The following CHSY3 variants were observed in gnomAD, a reference collection of about 807,000 sequenced individuals.
CHSY3 encodes the protein chondroitin sulfate synthase 3.
A neutral mutation model predicts 67.2 loss-of-function variants in CHSY3; 35 were observed. That is an observed-to-expected ratio of 0.52 (90% confidence interval 0.40 to 0.69). CHSY3 has a LOEUF of 0.69. Ranked by LOEUF, CHSY3 falls within the 30% of genes least tolerant of loss-of-function variation. The pLI is 0.00. For missense variants in CHSY3, 1,069 were observed against 1,138.5 expected (o/e 0.94, Z 0.88); for synonymous variants, 474 against 434.7 (o/e 1.09, Z -1.12).
At chr5:130,037,844 C>G (rs1305338216) in intron 2 of CHSY3, among the ~76,000 whole-genome samples, 1 of 152,024 alleles carries the variant, frequency 6.6e-6, no homozygotes, top group Non-Finnish European at 1.5e-5. Context: ...TAAAAGCAGC[C>G]ATTTGATCAC....
chr5:130,005,912 A>G (rs1188578750), intron 2 of CHSY3, among the ~76,000 whole-genome samples: 1 of 152,186 alleles, frequency 6.6e-6, no homozygotes. Context: ...TATGCTATCA[A>G]TAAGAAATGT....
rs903812420 is a variant in CHSY3, at chr5:130,185,423, C to T, written c.2281C>T (p.Pro761Ser). ...DPKVTNGGNPPTDDYFIFSKK... is the reference protein window; with the variant it reads ...DPKVTNGGNPSTDDYFIFSKK... ...AAAGGTAACAAACGGGGGAAATCCT[C>T]CCACTGATGATTACTTCATATTCTC... The change falls in exon 3 of 3, where the codon CCC becomes TCC. Residue 761 changes from proline (P) to serine (S), a missense_variant. Transcript: ENST00000305031. The T allele has an allele frequency of 1.9e-6, 3 of 1,613,618 alleles. No homozygotes were observed. Among genetic ancestry groups the T allele is most frequent in the Non-Finnish European group, 2.5e-6 (3 of 1,179,686 alleles).
At chr5:130,130,464 C>T (rs1157073897) in intron 2 of CHSY3, among the ~76,000 whole-genome samples, 2 of 152,136 alleles carry the variant, frequency 1.3e-5, no homozygotes, top group Non-Finnish European at 2.9e-5. Flanking sequence ...GTTCTTATTA[C>T]TTCACTAACC....
chr5:129,905,215 C>T lies in CHSY3; in HGVS notation c.386C>T (p.Ala129Val). 4 of 1,508,410 alleles carry T rather than the reference C, an allele frequency of 2.7e-6. No individual in the cohort carries two copies. The highest frequency in any genetic ancestry group is 3.5e-6 in the Non-Finnish European group (4 of 1,134,946). 93.4% of individuals were successfully genotyped at this position (1,508,410 alleles called of 1,614,324 possible). A position where few individuals can be genotyped will look rare whatever the true frequency, so the allele number is the denominator to read the frequency against. Reference sequence around the variant, plus strand: ...GCGACGGGGCTTCCCGGTGCTCCAGCGGCCGAGGGGGAGCCCGAGGAGGAG... The same window carrying T: ...GCGACGGGGCTTCCCGGTGCTCCAGTGGCCGAGGGGGAGCCCGAGGAGGAG... ...EGATGLPGAP[A>V]AEGEPEEEDG... The change falls in exon 1 of 3, where the codon GCG becomes GTG. Residue 129 changes from alanine (A) to valine (V), a missense_variant. Physicochemically the swap from Ala to Val is moderately conservative, Grantham distance 64. This residue lies in a region of CHSY3 where 309 missense variants were observed against 262.5 expected (regional missense o/e 1.18). Coordinates refer to ENST00000305031, the MANE Select transcript of CHSY3 (RefSeq NM_175856.5).
intron 2 of CHSY3, among the ~76,000 whole-genome samples, chr5:130,053,829 G>T (rs1765443405): frequency 1.3e-5 from 2 of 152,200 alleles, no homozygotes; most frequent in South Asian, 4.2e-4. Context: ...TCACTTTTAG[G>T]TGTATTTTTC....
At chr5:129,985,450 A>C (rs558245077) in intron 2 of CHSY3, among the ~76,000 whole-genome samples, 1 of 150,634 alleles carries the variant, frequency 6.6e-6, no homozygotes, top group Admixed American at 6.6e-5. Flanking sequence ...TTTGAAGTCA[A>C]GTAGTGTGAT....
chr5:129,946,281 G>C (rs1428461305), intron 2 of CHSY3, among the ~76,000 whole-genome samples: 1 of 152,036 alleles, frequency 6.6e-6, no homozygotes, highest in African/African-American at 2.4e-5. Flanking sequence ...GGTCAGATTA[G>C]GGGATCTTGG....
intron 2 of CHSY3, among the ~76,000 whole-genome samples, chr5:130,148,681 C>G (rs977794942): frequency 1.3e-5 from 2 of 152,088 alleles, no homozygotes; most frequent in African/African-American, 4.8e-5. Flanking sequence ...TGCTTATTGG[C>G]TATATGTATG....
At chr5:130,095,685 A>G (rs963266168) in intron 2 of CHSY3, among the ~76,000 whole-genome samples, 2 of 152,250 alleles carry the variant, frequency 1.3e-5, no homozygotes, top group African/African-American at 4.8e-5. Context: ...CTGCAAGGCA[A>G]GATCCACCAA....
At chr5:130,021,584 C>T (rs1764390451) in intron 2 of CHSY3, among the ~76,000 whole-genome samples, 1 of 152,122 alleles carries the variant, frequency 6.6e-6, no homozygotes, top group Non-Finnish European at 1.5e-5. Flanking sequence ...CCGTCTCACA[C>T]TCTCTCACAC....
At chr5:129,915,690 T>A (rs1760710006) in intron 2 of CHSY3, among the ~76,000 whole-genome samples, 1 of 152,158 alleles carries the variant, frequency 6.6e-6, no homozygotes, top group Non-Finnish European at 1.5e-5. Flanking sequence ...TTTCTGTGTC[T>A]CAAAAAGTGG....
At chr5:130,000,540 T>G (rs1415541026) in intron 2 of CHSY3, among the ~76,000 whole-genome samples, 2 of 152,016 alleles carry the variant, frequency 1.3e-5, no homozygotes, top group Non-Finnish European at 2.9e-5. Flanking sequence ...GGTTGATGAT[T>G]ATTTTACAGA....
intron 2 of CHSY3, among the ~76,000 whole-genome samples, chr5:130,027,100 C>T (rs989902891): frequency 6.6e-6 from 1 of 152,106 alleles, no homozygotes. Context: ...GCAAATGCAG[C>T]CTTTCTGGTT....
At chr5:130,020,593 C>T (rs1041564388) in intron 2 of CHSY3, among the ~76,000 whole-genome samples, 1 of 144,590 alleles carries the variant, frequency 6.9e-6, no homozygotes, top group African/African-American at 2.5e-5. Context: ...AGTCTTTCTC[C>T]GTTCAGGACC....
At chr5:130,126,288 T>A (rs56341338) in intron 2 of CHSY3, among the ~76,000 whole-genome samples, 38 of 146,676 alleles carry the variant, frequency 2.6e-4, no homozygotes, top group African/African-American at 9.7e-4. Context: ...TTACATAGGC[T>A]GAGTTAAAAA....
At chr5:130,080,794 A>G (rs1040860629) in intron 2 of CHSY3, among the ~76,000 whole-genome samples, 2 of 152,084 alleles carry the variant, frequency 1.3e-5, no homozygotes, top group African/African-American at 4.8e-5. Flanking sequence ...TGAAGATTAT[A>G]CCTGTAGGGG....
At chr5:130,056,533 T>C (rs1206115425) in intron 2 of CHSY3, among the ~76,000 whole-genome samples, 2 of 152,206 alleles carry the variant, frequency 1.3e-5, no homozygotes, top group Non-Finnish European at 2.9e-5. Context: ...AAAGGATACA[T>C]GGAAGCTTGA....
chr5:130,119,930 G>T (rs1767950816), intron 2 of CHSY3, among the ~76,000 whole-genome samples: 1 of 151,912 alleles, frequency 6.6e-6, no homozygotes, highest in African/African-American at 2.4e-5. Context: ...TATTTCATTC[G>T]CTAAAAATGT....
chr5:130,130,212 TTC>T (rs1768435979), intron 2 of CHSY3, among the ~76,000 whole-genome samples: 2 of 152,104 alleles, frequency 1.3e-5, no homozygotes, highest in African/African-American at 4.8e-5. Context: ...TAAGTTCTCT[TTC>T]TCTCTCTCCT....
Sources: allele counts gnomAD v4.1 joint callset (sites outside exome capture counted in the v4.1 genomes callset), GRCh38; gene constraint gnomAD v4.1.1; regional missense constraint gnomAD v4.1.1; transcripts MANE v1.5; gene names NCBI Gene and HGNC (gene_info 2026-07-23, HGNC 2026-07-21).